The following PXDNL variants were observed in gnomAD, a reference collection of about 807,000 sequenced individuals.
The protein encoded by PXDNL is probable oxidoreductase PXDNL.
In PXDNL, 145 loss-of-function variants were observed where a neutral mutation model predicts 150.8. The ratio of observed to expected loss-of-function variants is 0.96; its 90% CI spans 0.84 to 1.10. The LOEUF (loss-of-function observed/expected upper bound fraction) is 1.10, where lower values mean the gene tolerates loss of function less well. PXDNL is among the 50% of genes least tolerant of loss of function. The pLI, the probability that PXDNL is intolerant of heterozygous loss-of-function variation, is 0.00. For synonymous variants in PXDNL, 757 were observed against 725.7 expected (o/e 1.04, Z -0.69); for missense variants, 2,087 against 1,873.9 (o/e 1.11, Z -2.10).
At chr8:51,423,189 T>G (rs1174090129) in intron 14 of PXDNL, among the ~76,000 whole-genome samples, 1 of 152,194 alleles carries the variant, frequency 6.6e-6, no homozygotes, top group Non-Finnish European at 1.5e-5. Flanking sequence ...TTTCTAATTT[T>G]AAACTGGGAT....
chr8:51,629,834 G>A (rs911990691), intron 2 of PXDNL, among the ~76,000 whole-genome samples: 8 of 151,732 alleles, frequency 5.3e-5, no homozygotes, highest in Admixed American at 2.0e-4. Context: ...TGTATCCCTC[G>A]AAAATGAATA....
rs188649211 is a variant in PXDNL, at chr8:51,377,620, C to T, written c.3558-2889G>A. Among the ~76,000 whole-genome samples, 23 of 152,336 alleles carry T rather than the reference C, an allele frequency of 1.5e-4. 1 individual carries two copies. The highest frequency in any genetic ancestry group is 5.0e-4 in the African/African-American group (21 of 41,588). On this transcript the variant is annotated intron_variant, in intron 17 of 22. Coordinates refer to ENST00000356297, the MANE Select transcript of PXDNL (RefSeq NM_144651.5). Reference sequence around the variant, plus strand: ...CTGGCACACACTGAGAGCAGCTCGCCGGCACCACCCGTCCCAGGCAGTGAG... The same window carrying T: ...CTGGCACACACTGAGAGCAGCTCGCTGGCACCACCCGTCCCAGGCAGTGAG...
In PXDNL at chr8:51,533,454, T is replaced by A. The variant is rs944405326; in HGVS notation, c.380+23386A>T. ...TCATGAGCCACTGTGCCCAGCCTCA[T>A]ACACTGTTTAAAGTTTGAGAAGACC... On this transcript the variant is annotated intron_variant, in intron 4 of 22. Transcript: ENST00000356297. Among the ~76,000 whole-genome samples the A allele has an allele frequency of 3.3e-5, 5 of 150,392 alleles. No homozygotes were observed. In the East Asian group the frequency reaches 8.1e-4, roughly 24 times the overall value.
chr8:51,640,874 C>G (rs1814734500), intron 2 of PXDNL, among the ~76,000 whole-genome samples: 2 of 151,682 alleles, frequency 1.3e-5, no homozygotes, highest in African/African-American at 4.8e-5. Flanking sequence ...CATATGGAAC[C>G]AAAAAAGAGC....
At chr8:51,407,007 C>A (rs1808454130) in intron 17 of PXDNL, among the ~76,000 whole-genome samples, 1 of 152,202 alleles carries the variant, frequency 6.6e-6, no homozygotes, top group Non-Finnish European at 1.5e-5. Context: ...GTAATTTAAT[C>A]TTTAAACAAT....
At chr8:51,521,235 C>G (rs1223329337) in intron 4 of PXDNL, among the ~76,000 whole-genome samples, 2 of 152,066 alleles carry the variant, frequency 1.3e-5, no homozygotes, top group African/African-American at 2.4e-5. Context: ...GAATGAGACT[C>G]TGTCTCTAAA....
At chr8:51,473,311 A>ACACACACACACACACAC in intron 7 of PXDNL, among the ~76,000 whole-genome samples, 1 of 151,666 alleles carries the variant, frequency 6.6e-6, no homozygotes, top group Non-Finnish European at 1.5e-5. Context: ...ACACACACAC[A>ACACACACACACACACAC]AATACATATT....
intron 9 of PXDNL, among the ~76,000 whole-genome samples, chr8:51,456,721 C>T (rs1809945747): frequency 3.3e-5 from 5 of 152,212 alleles, no homozygotes; most frequent in Admixed American, 3.3e-4. Flanking sequence ...TTCTGTGCAT[C>T]TCTTCCCAAC....
intron 15 of PXDNL, among the ~76,000 whole-genome samples, chr8:51,412,188 C>G (rs2130900014): frequency 6.6e-6 from 1 of 152,330 alleles, no homozygotes; most frequent in East Asian, 1.9e-4. Context: ...AGGCACATCT[C>G]ATCCTCTATG....
Position 51,408,169 on chromosome 8 carries a change from G to A in PXDNL, c.3455C>T (p.Pro1152Leu). The A allele has an allele frequency of 6.2e-7, 1 of 1,613,990 alleles. No homozygotes were observed. Among genetic ancestry groups the A allele is most frequent in the Non-Finnish European group, 8.5e-7 (1 of 1,179,856 alleles). The change falls in exon 17 of 23, where the codon CCA (proline) becomes CTA (leucine). Residue 1152 changes from proline to leucine, a missense_variant. By Grantham distance (98) the Pro-to-Leu change is moderately conservative. Coordinates refer to ENST00000356297, the MANE Select transcript of PXDNL (RefSeq NM_144651.5). The stretch of plus-strand genomic sequence containing the variant: ...ACAGAAAACTCTGAAGTCAACATAT[G>A]GTGGGATCCCGTGGTCTCTACCCCT... The part of the protein sequence containing the change: ...IQRGRDHGIP[P>L]YVDFRVFCNL...
intron 1 of PXDNL, among the ~76,000 whole-genome samples, chr8:51,794,154 A>G (rs2037539501): frequency 6.6e-6 from 1 of 152,166 alleles, no homozygotes; most frequent in African/African-American, 2.4e-5. Flanking sequence ...TCTGAGAACT[A>G]TGGGATTATG....
intron 1 of PXDNL, among the ~76,000 whole-genome samples, chr8:51,741,893 G>A (rs1055516472): frequency 6.6e-6 from 1 of 152,178 alleles, no homozygotes; most frequent in African/African-American, 2.4e-5. Context: ...TTTGGCGTTT[G>A]TACTAGAGAA....
intron 4 of PXDNL, among the ~76,000 whole-genome samples, chr8:51,556,336 G>A (rs979401095): frequency 6.6e-6 from 1 of 151,986 alleles, no homozygotes; most frequent in African/African-American, 2.4e-5. Flanking sequence ...AACTAACATT[G>A]AAGTTAATTT....
chr8:51,441,625 T>C (rs1425058870), intron 12 of PXDNL, among the ~76,000 whole-genome samples: 1 of 152,180 alleles, frequency 6.6e-6, no homozygotes, highest in African/African-American at 2.4e-5. Flanking sequence ...ATATACATTC[T>C]CCATGAACTT....
At chr8:51,753,724 C>T (rs1378295410) in intron 1 of PXDNL, among the ~76,000 whole-genome samples, 1 of 152,108 alleles carries the variant, frequency 6.6e-6, no homozygotes, top group African/African-American at 2.4e-5. Flanking sequence ...AAGTACATAA[C>T]GGGAAATAAA....
chr8:51,518,445 CAT>C, intron 4 of PXDNL, among the ~76,000 whole-genome samples: 1 of 152,162 alleles, frequency 6.6e-6, no homozygotes, highest in East Asian at 1.9e-4. Flanking sequence ...AAGCATAGAA[CAT>C]ATAATATGCT....
At chr8:51,592,059 C>T (rs1207833415) in intron 3 of PXDNL, among the ~76,000 whole-genome samples, 1 of 152,330 alleles carries the variant, frequency 6.6e-6, no homozygotes, top group East Asian at 1.9e-4. Flanking sequence ...TACCAAACAC[C>T]AATGTTTCTG....
At chr8:51,705,246 T>G (rs1264703162) in intron 1 of PXDNL, among the ~76,000 whole-genome samples, 1 of 152,140 alleles carries the variant, frequency 6.6e-6, no homozygotes, top group Non-Finnish European at 1.5e-5. Flanking sequence ...CTCAGTCACT[T>G]CTCTATGTCC....
At chr8:51,554,642 C>T (rs943610588) in intron 4 of PXDNL, among the ~76,000 whole-genome samples, 17 of 152,284 alleles carry the variant, frequency 1.1e-4, no homozygotes, top group African/African-American at 4.1e-4. Context: ...AGTTCATTCT[C>T]TTAAATTCAG....
Sources: gnomAD v4.1 joint callset for allele counts (sites outside exome capture counted in the v4.1 genomes callset) on GRCh38, gnomAD v4.1.1 for gene constraint, MANE v1.5 for transcripts, NCBI Gene and HGNC (gene_info 2026-07-23, HGNC 2026-07-21) for gene names.